The following VAV1 variants were observed in gnomAD, a reference collection of about 807,000 sequenced individuals.
The protein encoded by VAV1 is vav guanine nucleotide exchange factor 1.
VAV1 carries 33 observed loss-of-function variants against 128.1 expected under a neutral mutation model. The ratio of observed to expected loss-of-function variants is 0.26; its 90% CI spans 0.20 to 0.34. The LOEUF is 0.34. VAV1 is among the 10% of genes least tolerant of loss of function. The pLI is 1.00. For missense variants in VAV1, 715 were observed against 1,093.7 expected (o/e 0.65, Z 4.88); for synonymous variants, 394 against 409.8 (o/e 0.96, Z 0.47).
chr19:6,824,091 C>T (rs966049187), intron 6 of VAV1, among the ~76,000 whole-genome samples: 2 of 152,040 alleles, frequency 1.3e-5, no homozygotes, highest in Non-Finnish European at 2.9e-5. Context: ...GTGCATGCCA[C>T]CACACCCTGC....
At chr19:6,792,852 A>G (rs949341348) in intron 1 of VAV1, among the ~76,000 whole-genome samples, 21 of 151,994 alleles carry the variant, frequency 1.4e-4, no homozygotes, top group African/African-American at 4.8e-4. Flanking sequence ...ATTGATATCT[A>G]TTGGATAGAG....
intron 1 of VAV1, among the ~76,000 whole-genome samples, chr19:6,792,371 T>TAA: frequency 7.0e-6 from 1 of 142,490 alleles, no homozygotes; most frequent in South Asian, 2.2e-4. Context: ...AGGCAAGAAT[T>TAA]AAAAAAAAAA....
chr19:6,821,898 C>G (rs1449875354), intron 4 of VAV1, 39 bp downstream of exon 4: 3 of 1,613,210 alleles, frequency 1.9e-6, no homozygotes. Context: ...CTCACTGGAG[C>G]ACCGTCCTGG....
chr19:6,839,469 T>A (rs1972317190), intron 21 of VAV1, among the ~76,000 whole-genome samples: 1 of 152,010 alleles, frequency 6.6e-6, no homozygotes, highest in Non-Finnish European at 1.5e-5. Context: ...GATTTTACCA[T>A]GTTGGTCAGG....
rs1972133624 is a variant in VAV1, at chr19:6,833,278, C to T, written c.1603C>T (p.Leu535=). 6.2e-7 allele frequency: 1 copy of T among 1,610,762 alleles called. No individual in the cohort carries two copies. The highest frequency in any genetic ancestry group is 2.2e-5 in the East Asian group (1 of 44,858). ...ETTSCKACQM[L]LRGTFYQGYR... ...CACATCCTGCAAGGCCTGTCAGATGCTGCTTAGGTGAGAATCTGGGAGGAG... is the reference window on the plus strand; with the variant it reads ...CACATCCTGCAAGGCCTGTCAGATGTTGCTTAGGTGAGAATCTGGGAGGAG... Residue 535 remains leucine, a synonymous_variant, in exon 16 of 27, where the codon CTG becomes TTG. Coordinates refer to ENST00000602142, the MANE Select transcript of VAV1 (RefSeq NM_005428.4).
At chr19:6,837,151 GC>G in intron 21 of VAV1, 101 bp downstream of exon 21, 2 of 1,262,508 alleles carry the variant, frequency 1.6e-6, no homozygotes, top group Non-Finnish European at 2.3e-6. Flanking sequence ...TGGGGAGGGG[GC>G]TGCCCATCAT....
intron 14 of VAV1, among the ~76,000 whole-genome samples, chr19:6,831,051 T>C (rs1200065019): frequency 6.6e-6 from 1 of 152,110 alleles, no homozygotes; most frequent in Admixed American, 6.5e-5. Context: ...ATGATTGCAC[T>C]ACAGCTAGGA....
intron 1 of VAV1, among the ~76,000 whole-genome samples, chr19:6,795,108 T>C (rs1971101790): frequency 6.6e-6 from 1 of 152,118 alleles, no homozygotes; most frequent in Non-Finnish European, 1.5e-5. Flanking sequence ...TCTTCTAACC[T>C]ACTTGGAAAT....
intron 1 of VAV1, among the ~76,000 whole-genome samples, chr19:6,785,748 C>T (rs1970877866): frequency 6.6e-6 from 1 of 151,244 alleles, no homozygotes; most frequent in Non-Finnish European, 1.5e-5. Context: ...CAACCTCTGC[C>T]TCCTGGGCCC....
chr19:6,783,166 G>C (rs931050154), intron 1 of VAV1, among the ~76,000 whole-genome samples: 7 of 151,336 alleles, frequency 4.6e-5, no homozygotes, highest in Non-Finnish European at 1.0e-4. Flanking sequence ...GTGACAGAGC[G>C]AGACTCCGTC....
chr19:6,841,546 C>T (rs1400530341), intron 21 of VAV1, among the ~76,000 whole-genome samples: 1 of 149,650 alleles, frequency 6.7e-6, no homozygotes, highest in Non-Finnish European at 1.5e-5. Context: ...ATGATCTCGG[C>T]TCACTGCAAC....
intron 1 of VAV1, among the ~76,000 whole-genome samples, chr19:6,805,223 G>A (rs1173178100): frequency 1.3e-5 from 2 of 151,780 alleles, no homozygotes; most frequent in African/African-American, 2.4e-5. Flanking sequence ...TCAGGAGTTC[G>A]AGACCAGCCT....
intron 25 of VAV1, among the ~76,000 whole-genome samples, chr19:6,853,557 C>T (rs1972718210): frequency 6.6e-6 from 1 of 150,886 alleles, no homozygotes; most frequent in Non-Finnish European, 1.5e-5. Context: ...AACTCCATCT[C>T]TACTAAAAAA....
At chr19:6,816,751 G>T (rs997209657) in intron 1 of VAV1, among the ~76,000 whole-genome samples, 10 of 151,750 alleles carry the variant, frequency 6.6e-5, no homozygotes, top group Admixed American at 6.6e-5. Flanking sequence ...CATTACTTGA[G>T]ATCAGTTCAA....
intron 21 of VAV1, among the ~76,000 whole-genome samples, chr19:6,837,298 T>C (rs1034640311): frequency 6.6e-6 from 1 of 152,214 alleles, no homozygotes; most frequent in African/African-American, 2.4e-5. Context: ...TACATGGGTA[T>C]GGTAGGGAGG....
At chr19:6,854,702 C>T (rs1374634224) in intron 26 of VAV1, among the ~76,000 whole-genome samples, 1 of 151,686 alleles carries the variant, frequency 6.6e-6, no homozygotes, top group African/African-American at 2.4e-5. Context: ...AGAACAAGAC[C>T]CTGTCTTTAA....
intron 9 of VAV1, among the ~76,000 whole-genome samples, chr19:6,827,554 C>G (rs164023): frequency 0.97 from 148,147 of 152,244 alleles, 72,117 homozygotes; most frequent in African/African-American, 0.99. Context: ...GATTACAGGC[C>G]TGAGCAATCG....
intron 1 of VAV1, among the ~76,000 whole-genome samples, chr19:6,788,505 T>C (rs35514362): frequency 0.26 from 39,446 of 151,394 alleles, 6,099 homozygotes; most frequent in African/African-American, 0.44. Flanking sequence ...CCCTAGTAGC[T>C]GGGATTACAG....
chr19:6,835,365 C>T (rs1331243582), intron 19 of VAV1, among the ~76,000 whole-genome samples: 1 of 152,134 alleles, frequency 6.6e-6, no homozygotes, highest in Non-Finnish European at 1.5e-5. Context: ...AAATGTAGAA[C>T]ATTTCCATCC....
Sources: allele counts gnomAD v4.1 joint callset (sites outside exome capture counted in the v4.1 genomes callset), GRCh38; gene constraint gnomAD v4.1.1; transcripts MANE v1.5; gene names NCBI Gene and HGNC (gene_info 2026-07-23, HGNC 2026-07-21).